The following DIAPH2 variants were observed in gnomAD, a reference collection of about 807,000 sequenced individuals.
DIAPH2 encodes the protein diaphanous related formin 2.
In DIAPH2, 35 loss-of-function variants were observed where a neutral mutation model predicts 92.7. That is an observed-to-expected ratio of 0.38 (90% CI 0.29 to 0.50). The LOEUF (loss-of-function observed/expected upper bound fraction) is 0.50. Ranked by LOEUF, DIAPH2 falls within the 20% of genes least tolerant of loss-of-function variation. The pLI, the probability that DIAPH2 is intolerant of heterozygous loss-of-function variation, is 0.94. For synonymous variants in DIAPH2, 301 were observed against 280.4 expected (o/e 1.07, Z -0.73); for missense variants, 701 against 819.5 (o/e 0.86, Z 1.77).
intron 22 of DIAPH2, among the ~76,000 whole-genome samples, chrX:97,147,330 T>G (rs1163402904): frequency 9.0e-6 from 1 of 110,745 alleles, no homozygotes; most frequent in Non-Finnish European, 1.9e-5. Flanking sequence ...TTTTTTTCTT[T>G]TGGTGAACCA....
chrX:96,790,273 G>A (rs1488084503), intron 4 of DIAPH2, among the ~76,000 whole-genome samples: 71 of 109,967 alleles, frequency 6.5e-4, no homozygotes, highest in Non-Finnish European at 1.7e-4. Context: ...GTTTCTCTAT[G>A]TTGGTCAGGC....
At chrX:97,008,098 T>C (rs2066197552) in intron 17 of DIAPH2, among the ~76,000 whole-genome samples, 1 of 101,444 alleles carries the variant, frequency 9.9e-6, no homozygotes, top group South Asian at 4.9e-4. Context: ...GCATGCGTCA[T>C]TCTATTTTAT....
chrX:97,330,970 C>T (rs2068996470), intron 23 of DIAPH2, among the ~76,000 whole-genome samples: 1 of 111,387 alleles, frequency 9.0e-6, no homozygotes, highest in East Asian at 2.8e-4. Flanking sequence ...CTTCAAGATC[C>T]TGCCTTTTTC....
chrX:97,432,677 G>T (rs1602585692), intron 26 of DIAPH2, among the ~76,000 whole-genome samples: 1 of 111,206 alleles, frequency 9.0e-6, no homozygotes, highest in East Asian at 2.8e-4. Flanking sequence ...AGTAGAGATG[G>T]TATTTCGCCA....
intron 26 of DIAPH2, among the ~76,000 whole-genome samples, chrX:97,573,830 T>G (rs1717926798): frequency 9.1e-6 from 1 of 109,696 alleles, no homozygotes; most frequent in Admixed American, 9.8e-5. Context: ...CCTGCTACTT[T>G]CTGTATTTTC....
chrX:96,894,488 A>C (rs1050978561), intron 5 of DIAPH2, among the ~76,000 whole-genome samples: 1 of 112,049 alleles, frequency 8.9e-6, no homozygotes, highest in African/African-American at 3.2e-5. Flanking sequence ...AAACTATATT[A>C]AGTATTAATG....
At chrX:96,824,652 AC>A (rs1285770877) in intron 4 of DIAPH2, among the ~76,000 whole-genome samples, 1 of 111,761 alleles carries the variant, frequency 8.9e-6, no homozygotes, top group Admixed American at 9.5e-5. Context: ...TTCTCAAAAG[AC>A]CAATCTCAGG....
chrX:96,931,475 C>T (rs1026392422), intron 10 of DIAPH2, among the ~76,000 whole-genome samples: 7 of 110,995 alleles, frequency 6.3e-5, no homozygotes, highest in African/African-American at 2.3e-4. Context: ...AGTATATTAA[C>T]TGAAGAGTGA....
chrX:96,915,447 A>C lies in DIAPH2; in HGVS notation c.733-991A>C, dbSNP rs1263491616. Among the ~76,000 whole-genome samples the C allele has an allele frequency of 4.0e-5, 4 of 99,326 alleles. No individual in the cohort carries two copies. The East Asian group carries it at 1.2e-3, about 30-fold the overall frequency. 86.3% of individuals were successfully genotyped at this position (99,326 alleles called of 115,157 possible). A position where few individuals can be genotyped will look rare whatever the true frequency, so the allele number is the denominator to read the frequency against. On this transcript the variant is annotated intron_variant, in intron 7 of 26. Coordinates refer to ENST00000324765, the MANE Select transcript of DIAPH2 (RefSeq NM_006729.5). ...TGGTCTTATCTCCATATATTTTCCT[A>C]TTTATTATGACCTGTGATAAACTCA...
At chrX:97,345,378 G>A (rs2069147972) in intron 23 of DIAPH2, among the ~76,000 whole-genome samples, 1 of 111,775 alleles carries the variant, frequency 8.9e-6, no homozygotes, top group African/African-American at 3.3e-5. Flanking sequence ...AAATCATGGT[G>A]TATTCCATAA....
intron 17 of DIAPH2, among the ~76,000 whole-genome samples, chrX:97,054,660 G>A (rs2066543556): frequency 8.9e-6 from 1 of 111,822 alleles, no homozygotes; most frequent in Admixed American, 9.5e-5. Context: ...CTAATAGTGA[G>A]TAATCTGGTT....
chrX:97,191,098 G>A (rs2147479604), intron 22 of DIAPH2, among the ~76,000 whole-genome samples: 1 of 110,489 alleles, frequency 9.1e-6, no homozygotes, highest in South Asian at 3.9e-4. Flanking sequence ...AGAGGCCCAG[G>A]CAGGCGGATC....
intron 24 of DIAPH2, among the ~76,000 whole-genome samples, chrX:97,375,572 GA>G (rs1382898072): frequency 1.8e-5 from 2 of 112,175 alleles, no homozygotes; most frequent in African/African-American, 6.5e-5. Flanking sequence ...TTTTTAAAAA[GA>G]AAAAACTTTT....
chrX:97,117,754 A>G (rs970579520), intron 21 of DIAPH2, among the ~76,000 whole-genome samples: 4 of 112,106 alleles, frequency 3.6e-5, no homozygotes. Context: ...TCAACACTAA[A>G]GGGTATCATT....
intron 26 of DIAPH2, among the ~76,000 whole-genome samples, chrX:97,570,224 CAT>C (rs1265662297): frequency 2.1e-5 from 2 of 97,038 alleles, no homozygotes; most frequent in African/African-American, 7.4e-5. Context: ...CACACACACA[CAT>C]ATATATATGT....
intron 26 of DIAPH2, among the ~76,000 whole-genome samples, chrX:97,440,369 A>G (rs1405524148): frequency 1.8e-5 from 2 of 110,993 alleles, no homozygotes; most frequent in African/African-American, 6.6e-5. Flanking sequence ...AGGCAGGCAG[A>G]TCACCTGAGG....
chrX:97,044,288 G>T (rs2147888687), intron 17 of DIAPH2, among the ~76,000 whole-genome samples: 1 of 110,519 alleles, frequency 9.0e-6, no homozygotes, highest in East Asian at 2.9e-4. Context: ...ATGCTATATT[G>T]TAAACTATCA....
intron 22 of DIAPH2, among the ~76,000 whole-genome samples, chrX:97,157,600 A>G (rs749841963): frequency 1.2e-4 from 13 of 110,658 alleles, no homozygotes; most frequent in African/African-American, 3.6e-4. Context: ...TACTCTGTCT[A>G]TGGAGTAGCT....
At chrX:97,347,539 A>G (rs760036038) in intron 23 of DIAPH2, among the ~76,000 whole-genome samples, 3 of 111,377 alleles carry the variant, frequency 2.7e-5, no homozygotes, top group South Asian at 7.7e-4. Flanking sequence ...ATTTATGCCT[A>G]TATGCTTTCA....
Sources: allele counts gnomAD v4.1 joint callset (sites outside exome capture counted in the v4.1 genomes callset), GRCh38; gene constraint gnomAD v4.1.1; transcripts MANE v1.5; gene names NCBI Gene and HGNC (gene_info 2026-07-23, HGNC 2026-07-21).